The following YIPF5 variants were observed in gnomAD, a reference collection of about 807,000 sequenced individuals.
The protein encoded by YIPF5 is protein YIPF5.
A neutral mutation model predicts 30.4 loss-of-function variants in YIPF5; 8 were observed. The ratio of observed to expected loss-of-function variants is 0.26; its 90% CI spans 0.15 to 0.47. The LOEUF (loss-of-function observed/expected upper bound fraction) is 0.47. YIPF5 is among the 20% of genes least tolerant of loss of function. The pLI, the probability that YIPF5 is intolerant of heterozygous loss-of-function variation, is 0.99. For synonymous variants in YIPF5, 104 were observed against 107.9 expected, an observed-to-expected ratio of 0.96 and a Z score of 0.23; for missense variants, 282 against 301.8, an observed-to-expected ratio of 0.93 and a Z score of 0.49.
chr5:144,161,295 G>A (rs971078220), intron 5 of YIPF5, among the ~76,000 whole-genome samples: 9 of 149,766 alleles, frequency 6.0e-5, no homozygotes, highest in Non-Finnish European at 3.0e-5. Context: ...CTGGCCAAGA[G>A]GAGGAACCTT....
chr5:144,165,699 A>T, intron 2 of YIPF5, 95 bp from the exon 3 acceptor site: 1 of 1,293,484 alleles, frequency 7.7e-7, no homozygotes, highest in Non-Finnish European at 1.0e-6. Flanking sequence ...ACAGCTAAAG[A>T]ACCTTAGTTG....
At position 144,160,496 on chromosome 5, in the gene YIPF5, T is replaced by C; in HGVS notation, c.675A>G (p.Lys225=). The C allele has an allele frequency of 6.2e-7, 1 of 1,614,088 alleles. No homozygotes were observed. Among genetic ancestry groups the C allele is most frequent in the Non-Finnish European group, 8.5e-7 (1 of 1,179,988 alleles). Residue 225 remains lysine (K), a synonymous_variant, in exon 6 of 6, where the codon AAA becomes AAG. Coordinates refer to ENST00000274496, the MANE Select transcript of YIPF5 (RefSeq NM_030799.9). ...IIGWCSFSAS[K]IFISALAMEG... is the part of the protein sequence containing the mutation. ...CCATGGCTAATGCAGAAATAAATAT[T>C]TTGGAAGCAGAAAAACTACACCATC...
intron 3 of YIPF5, 58 bp downstream of exon 3, chr5:144,165,374 A>G: frequency 6.4e-7 from 1 of 1,552,962 alleles, no homozygotes; most frequent in East Asian, 2.3e-5. Context: ...ATTAAGATTA[A>G]TTTTCACTAA....
chr5:144,159,224 CAA>C lies in YIPF5; in HGVS notation c.*1171_*1172del, dbSNP rs1751956688. On this transcript the variant is annotated 3_prime_UTR_variant, in exon 6 of 6. Coordinates refer to ENST00000274496, the MANE Select transcript of YIPF5 (RefSeq NM_030799.9). ...AATCAGAGCCTAGTTAAAAAAGAGA[CAA>C]AGAGAACAGTAGTTTAGTAAAAGTA... The C allele has an allele frequency of 1.0e-6, 1 of 982,468 alleles. No homozygotes were observed. The highest frequency in any genetic ancestry group is 6.2e-5 in the Admixed American group (1 of 16,236). 60.9% of individuals were successfully genotyped at this position (982,468 alleles called of 1,614,324 possible).
At chr5:144,164,676 AG>A (rs1230485239) in intron 3 of YIPF5, among the ~76,000 whole-genome samples, 1 of 151,752 alleles carries the variant, frequency 6.6e-6, no homozygotes, top group African/African-American at 2.4e-5. Flanking sequence ...CTGGGATTAC[AG>A]GCGTTGAGAC....
At chr5:144,162,123 T>C (rs1210727925) in intron 5 of YIPF5, 95 bp downstream of exon 5, 6 of 1,352,878 alleles carry the variant, frequency 4.4e-6, no homozygotes, top group Admixed American at 2.1e-5. Flanking sequence ...TCTGATATGT[T>C]TGCTGAATCG....
chr5:144,162,758 T>A (rs1752084825), intron 4 of YIPF5, among the ~76,000 whole-genome samples: 1 of 152,196 alleles, frequency 6.6e-6, no homozygotes, highest in South Asian at 2.1e-4. Context: ...GTTCAAAATG[T>A]CTAGATAATT....
chr5:144,170,088 TG>T (rs1314854321), intron 1 of YIPF5, 123 bp from the exon 2 acceptor site: 2 of 708,936 alleles, frequency 2.8e-6, no homozygotes, highest in Admixed American at 2.3e-5. Flanking sequence ...GGAGAGGGGA[TG>T]GGGGCGGAAA....
In YIPF5 at chr5:144,169,979, G is replaced by A; in HGVS notation, c.-10-14C>T. 1 of 1,601,738 alleles carries A rather than the reference G, an allele frequency of 6.2e-7. No homozygotes were observed. The highest frequency in any genetic ancestry group is 2.2e-5 in the East Asian group (1 of 44,806). ...ATTGCAAATAATCTGTAATAAAAGAGAAATGGCAAATATTCCTTATGCCCA... is the reference window on the plus strand; with the variant it reads ...ATTGCAAATAATCTGTAATAAAAGAAAAATGGCAAATATTCCTTATGCCCA... On this transcript the variant is annotated splice_polypyrimidine_tract_variant and intron_variant, in intron 1 of 5. Coordinates refer to ENST00000274496, the MANE Select transcript of YIPF5 (RefSeq NM_030799.9).
At position 144,161,333 on chromosome 5, in the gene YIPF5, C is replaced by CT. The variant is rs57703406; in HGVS notation, c.612-775dup. Among the ~76,000 whole-genome samples, 337 of 64,688 alleles carry CT rather than the reference C, an allele frequency of 5.2e-3. 7 individuals carry two copies. Among genetic ancestry groups the CT allele is most frequent in the Non-Finnish European group, 5.8e-3 (215 of 37,110 alleles). The allele number at this position is 64,688 out of a possible 152,430, so 42.4% of individuals were successfully genotyped here. A position where few individuals can be genotyped will look rare whatever the true frequency, so the allele number is the denominator to read the frequency against. ...TGGCGGTAATGTATACCTTTCCTTCCTTTTTTTTTTTTTTTTTTTTTTTTT... is the reference window on the plus strand; with the variant it reads ...TGGCGGTAATGTATACCTTTCCTTCCTTTTTTTTTTTTTTTTTTTTTTTTTT... On this transcript the variant is annotated intron_variant, in intron 5 of 5. Coordinates refer to ENST00000274496, the MANE Select transcript of YIPF5 (RefSeq NM_030799.9).
chr5:144,164,743 T>C (rs553280586), intron 3 of YIPF5, among the ~76,000 whole-genome samples: 1 of 152,166 alleles, frequency 6.6e-6, no homozygotes, highest in Admixed American at 6.5e-5. Context: ...CAGTCTTCAA[T>C]GTGGTGCTCA....
intron 1 of YIPF5, chr5:144,170,250 TA>T: frequency 2.6e-6 from 1 of 378,334 alleles, no homozygotes; most frequent in Non-Finnish European, 4.9e-6. Flanking sequence ...ATAAGCGGTC[TA>T]AAATATCAAT....
At position 144,158,752 on chromosome 5, in the gene YIPF5, T is replaced by C. The variant is rs1751940447; in HGVS notation, c.*1645A>G. On this transcript the variant is annotated 3_prime_UTR_variant, in exon 6 of 6. Transcript: ENST00000274496. The stretch of plus-strand genomic sequence containing the variant: ...GAAAACCTAGCCCAAAACAAATTAA[T>C]GACAAGTGGGTTTCTCCAGACGATT... 2 of 1,001,306 alleles carry C rather than the reference T, an allele frequency of 2.0e-6. No homozygotes were observed. Among genetic ancestry groups the C allele is most frequent in the Admixed American group, 6.1e-5 (1 of 16,422 alleles). 62.0% of individuals were successfully genotyped at this position (1,001,306 alleles called of 1,614,324 possible). A position where few individuals can be genotyped will look rare whatever the true frequency, so the allele number is the denominator to read the frequency against.
intron 5 of YIPF5, 129 bp from the exon 6 acceptor site, chr5:144,160,688 A>G: frequency 1.3e-6 from 1 of 770,064 alleles, no homozygotes; most frequent in Non-Finnish European, 1.9e-6. Flanking sequence ...AGACATATGC[A>G]AAAATAATCA....
rs539262593 is a variant in YIPF5, at chr5:144,168,734, A to G, written c.110+1112T>C. ...CAAATTAAGCAGACTCAAAGAGACT[A>G]TATGTTTTAGAAAGGATAGCCTAAC... is the stretch of plus-strand genomic sequence containing the variant. On this transcript the variant is annotated intron_variant, in intron 2 of 5. Transcript: ENST00000274496. Among the ~76,000 whole-genome samples, 58 of 152,344 alleles carry G rather than the reference A, an allele frequency of 3.8e-4. 1 individual carries two copies. In the South Asian group the frequency reaches 0.011, roughly 30 times the overall value.
At chr5:144,165,322 T>C (rs1014517483) in intron 3 of YIPF5, 110 bp downstream of exon 3, 4 of 1,436,562 alleles carry the variant, frequency 2.8e-6, no homozygotes, top group Admixed American at 4.6e-5. Flanking sequence ...AAAACTTTTT[T>C]CTACAGATTA....
chr5:144,162,655 C>A (rs970459925), intron 4 of YIPF5, among the ~76,000 whole-genome samples: 1 of 152,034 alleles, frequency 6.6e-6, no homozygotes, highest in South Asian at 2.1e-4. Context: ...AATAAAGAGA[C>A]AAAAGCATAG....
intron 3 of YIPF5, 33 bp from the exon 4 acceptor site, chr5:144,164,289 G>T (rs1192047450): frequency 4.5e-6 from 7 of 1,568,894 alleles, no homozygotes; most frequent in Non-Finnish European, 6.1e-6. Context: ...AGTTAATTAG[G>T]ATTTGTGATG....
Position 144,165,425 on chromosome 5 carries a change from A to G in YIPF5, c.283+7T>C. On this transcript the variant is annotated splice_region_variant and intron_variant, in intron 3 of 5. Transcript: ENST00000274496. The stretch of plus-strand genomic sequence containing the variant: ...TGAGTACTATCAAGTGTTGCAACAA[A>G]TCTTACCTTCTAATAAAGGTGGCTC... 1 of 1,613,974 alleles carries G rather than the reference A, an allele frequency of 6.2e-7. No individual in the cohort carries two copies. The highest frequency in any genetic ancestry group is 8.5e-7 in the Non-Finnish European group (1 of 1,179,878).
Sources: allele counts gnomAD v4.1 joint callset (sites outside exome capture counted in the v4.1 genomes callset), GRCh38; gene constraint gnomAD v4.1.1; transcripts MANE v1.5; gene names NCBI Gene and HGNC (gene_info 2026-07-23, HGNC 2026-07-21).